The following TRIM40 variants were observed in gnomAD, a reference collection of about 807,000 sequenced individuals.
The protein encoded by TRIM40 is E3 ubiquitin ligase TRIM40.
In TRIM40, 27 loss-of-function variants were observed where a neutral mutation model predicts 26.1. The ratio of observed to expected loss-of-function variants is 1.04; its 90% CI spans 0.76 to 1.43. The LOEUF (loss-of-function observed/expected upper bound fraction) is 1.43, where lower values mean the gene tolerates loss of function less well. TRIM40 is among the 40% of genes most tolerant of loss of function. The pLI is 0.00. For missense variants in TRIM40, 289 were observed against 307.9 expected (o/e 0.94, Z 0.46); for synonymous variants, 114 against 120.0 (o/e 0.95, Z 0.33).
chr6:30,138,978 T>C (rs886346677), intron 2 of TRIM40, among the ~76,000 whole-genome samples: 2 of 152,138 alleles, frequency 1.3e-5, no homozygotes, highest in African/African-American at 4.8e-5. Flanking sequence ...CACAGGAGAG[T>C]GGGGAGGGAT....
intron 4 of TRIM40, 119 bp from the exon 5 acceptor site, chr6:30,147,401 G>A: frequency 2.7e-6 from 4 of 1,499,312 alleles, no homozygotes; most frequent in Non-Finnish European, 3.7e-6. Context: ...GTGTTGCTAT[G>A]TTCCCCCAGT....
chr6:30,144,794 G>A (rs1267444218), intron 2 of TRIM40, among the ~76,000 whole-genome samples: 1 of 152,228 alleles, frequency 6.6e-6, no homozygotes, highest in Non-Finnish European at 1.5e-5. Context: ...CAGCAAGTGA[G>A]TAGATGCAAG....
chr6:30,147,718 T>C lies in TRIM40; in HGVS notation c.690-7T>C, dbSNP rs971378632. 10 of 1,613,790 alleles carry C rather than the reference T, an allele frequency of 6.2e-6. No individual in the cohort carries two copies. Among genetic ancestry groups the C allele is most frequent in the East Asian group, 2.2e-5 (1 of 44,896 alleles). Reference sequence around the variant, plus strand: ...TATTAATCTATGAAAGATTTCTTTGTTTCTAGGAGTGCTCCACAGAAATTA... The same window carrying C: ...TATTAATCTATGAAAGATTTCTTTGCTTCTAGGAGTGCTCCACAGAAATTA... On this transcript the variant is annotated splice_region_variant and splice_polypyrimidine_tract_variant and intron_variant, in intron 5 of 5. Transcript: ENST00000396581.
Position 30,136,790 on chromosome 6 carries a change from A to G in TRIM40, c.-247A>G. On this transcript the variant is annotated 5_prime_UTR_variant, in exon 2 of 6. Coordinates refer to ENST00000396581, the MANE Select transcript of TRIM40 (RefSeq NM_001286633.2). Reference sequence around the variant, plus strand: ...ACAAGGAAACCGCAGGGTCCATGTCAAAGCTGATGAGCTATTTCTGAAACT... The same window carrying G: ...ACAAGGAAACCGCAGGGTCCATGTCGAAGCTGATGAGCTATTTCTGAAACT... 3.6e-6 allele frequency: 2 copies of G among 549,154 alleles called. No individual in the cohort carries two copies. The highest frequency in any genetic ancestry group is 5.4e-5 in the South Asian group (2 of 36,718). 34.0% of individuals were successfully genotyped at this position (549,154 alleles called of 1,614,324 possible).
chr6:30,145,170 A>ACCT (rs1449576727), intron 2 of TRIM40, among the ~76,000 whole-genome samples: 1 of 151,602 alleles, frequency 6.6e-6, no homozygotes, highest in African/African-American at 2.4e-5. Context: ...CCTGACTTCT[A>ACCT]CCTGTACATC....
intron 4 of TRIM40, 96 bp downstream of exon 4, chr6:30,147,305 C>T: frequency 6.8e-7 from 1 of 1,468,040 alleles, no homozygotes; most frequent in Non-Finnish European, 9.5e-7. Flanking sequence ...GAGGGAGGGG[C>T]CTGTGTGATA....
At chr6:30,147,303 G>T in intron 4 of TRIM40, 94 bp downstream of exon 4, 2 of 1,481,074 alleles carry the variant, frequency 1.4e-6, no homozygotes, top group Admixed American at 1.7e-5. Flanking sequence ...AAGAGGGAGG[G>T]GCCTGTGTGA....
intron 3 of TRIM40, among the ~76,000 whole-genome samples, chr6:30,146,572 A>G (rs981200083): frequency 7.2e-5 from 11 of 152,014 alleles, no homozygotes; most frequent in African/African-American, 1.9e-4. Context: ...CACCACGCCC[A>G]GCTAATTTTT....
At chr6:30,143,955 G>A (rs1771500070) in intron 2 of TRIM40, among the ~76,000 whole-genome samples, 1 of 152,100 alleles carries the variant, frequency 6.6e-6, no homozygotes, top group Non-Finnish European at 1.5e-5. Context: ...TGATAGGACT[G>A]TGGCTTTTTG....
intron 2 of TRIM40, among the ~76,000 whole-genome samples, chr6:30,144,711 C>G (rs1398395495): frequency 6.6e-6 from 1 of 152,068 alleles, no homozygotes; most frequent in Non-Finnish European, 1.5e-5. Flanking sequence ...TGATGAGAAA[C>G]AAGGCGGCTG....
chr6:30,147,180 G>C lies in TRIM40; in HGVS notation c.637G>C (p.Ala213Pro). The C allele has an allele frequency of 6.2e-7, 1 of 1,614,226 alleles. No homozygotes were observed. The highest frequency in any genetic ancestry group is 8.5e-7 in the Non-Finnish European group (1 of 1,180,040). Residue 213 changes from alanine (A) to proline (P), a missense_variant, in exon 4 of 6, where the codon GCC becomes CCC. Ala to Pro is a conservative substitution (Grantham distance 27). Transcript: ENST00000396581. ...CCTGGTCATTGATCTGGAAAGGACG[G>C]CCAAGGAATTAGACACCAACACACT... ...RSLVIDLERT[A>P]KELDTNTLKN...
At chr6:30,146,434 T>A (rs1379940929) in intron 3 of TRIM40, among the ~76,000 whole-genome samples, 1 of 151,774 alleles carries the variant, frequency 6.6e-6, no homozygotes, top group African/African-American at 2.4e-5. Context: ...TTTTTTGAGA[T>A]GGAGCCTTGC....
chr6:30,145,129 T>C (rs9261509), intron 2 of TRIM40, among the ~76,000 whole-genome samples: 33,422 of 151,844 alleles, frequency 0.22, 4,016 homozygotes, highest in Admixed American at 0.25. Flanking sequence ...ATTCTCAGGC[T>C]GGAAAGAACT....
chr6:30,142,273 A>G (rs1205572969), intron 2 of TRIM40, among the ~76,000 whole-genome samples: 1 of 152,180 alleles, frequency 6.6e-6, no homozygotes, highest in Non-Finnish European at 1.5e-5. Flanking sequence ...CTGTTTCCTC[A>G]CTGACCAGTC....
At chr6:30,139,198 A>C (rs9261476) in intron 2 of TRIM40, among the ~76,000 whole-genome samples, 28,360 of 152,096 alleles carry the variant, frequency 0.19, 3,033 homozygotes, top group East Asian at 0.24. Context: ...TTAAGTAAAA[A>C]CTTAGTAAGT....
At chr6:30,139,954 A>G (rs1771248643) in intron 2 of TRIM40, among the ~76,000 whole-genome samples, 1 of 152,262 alleles carries the variant, frequency 6.6e-6, no homozygotes, top group Admixed American at 6.5e-5. Context: ...TATGCAACCA[A>G]CAGACATATG....
rs1771636407 is a variant in TRIM40 at position 30,146,199 on chromosome 6, G to T, written c.441+110G>T. 3 of 932,072 alleles carry T rather than the reference G, an allele frequency of 3.2e-6. No individual in the cohort carries two copies. The East Asian group carries it at 7.9e-5, about 25-fold the overall frequency. The allele number at this position is 932,072 out of a possible 1,614,324, so 57.7% of individuals were successfully genotyped here. ...TGGAACAGCCTGATGTGGGCAGATG[G>T]TCGTGGAGGCTGAAAACCCGGGTGT... On this transcript the variant is annotated intron_variant, in intron 3 of 5. Coordinates refer to ENST00000396581, the MANE Select transcript of TRIM40 (RefSeq NM_001286633.2).
intron 2 of TRIM40, among the ~76,000 whole-genome samples, chr6:30,142,088 T>C (rs2127423437): frequency 6.7e-6 from 1 of 148,978 alleles, no homozygotes; most frequent in South Asian, 2.1e-4. Flanking sequence ...AGCGTAATTT[T>C]GAAATTAAGG....
chr6:30,146,184 T>A (rs1314207133), intron 3 of TRIM40, 95 bp downstream of exon 3: 8 of 1,062,192 alleles, frequency 7.5e-6, no homozygotes, highest in Non-Finnish European at 1.1e-5. Context: ...TGGAACAGCC[T>A]GATGTGGGCA....
Sources: gnomAD v4.1 joint callset for allele counts (sites outside exome capture counted in the v4.1 genomes callset) on GRCh38, gnomAD v4.1.1 for gene constraint, MANE v1.5 for transcripts, NCBI Gene and HGNC (gene_info 2026-07-23, HGNC 2026-07-21) for gene names.